NT5DC1: variants seen among roughly 807,000 people sequenced by gnomAD.
The protein encoded by NT5DC1 is 5'-nucleotidase domain-containing protein 1.
A neutral mutation model predicts 59.4 loss-of-function variants in NT5DC1; 42 were observed. The ratio of observed to expected loss-of-function variants is 0.71; its 90% CI spans 0.55 to 0.92. The LOEUF is 0.92. NT5DC1 is among the 40% of genes least tolerant of loss of function. NT5DC1 has a pLI of 0.00. For missense variants in NT5DC1, 501 were observed against 537.1 expected (o/e 0.93, Z 0.66); for synonymous variants, 172 against 188.1 (o/e 0.91, Z 0.70).
intron 6 of NT5DC1, chr6:116,125,273 G>C: frequency 6.4e-7 from 1 of 1,555,390 alleles, no homozygotes; most frequent in South Asian, 1.2e-5. Flanking sequence ...TTGTTAAAGA[G>C]ATTATTAAGA....
chr6:116,216,992 G>A (rs1170155110), intron 6 of NT5DC1, among the ~76,000 whole-genome samples: 2 of 152,238 alleles, frequency 1.3e-5, no homozygotes, highest in Non-Finnish European at 2.9e-5. Flanking sequence ...GCTGACCATG[G>A]AAGTGTTAGC....
chr6:116,154,790 C>G (rs1562141808), intron 6 of NT5DC1, among the ~76,000 whole-genome samples: 1 of 152,124 alleles, frequency 6.6e-6, no homozygotes, highest in Non-Finnish European at 1.5e-5. Flanking sequence ...TTGTTTACGC[C>G]TCAGGATTAA....
intron 6 of NT5DC1, among the ~76,000 whole-genome samples, chr6:116,182,691 G>T (rs1218291781): frequency 3.3e-5 from 5 of 151,872 alleles, no homozygotes; most frequent in Non-Finnish European, 7.4e-5. Context: ...CTTCTTTTTA[G>T]AATTGTCTCT....
chr6:116,134,052 C>T (rs1414841859), intron 6 of NT5DC1, among the ~76,000 whole-genome samples: 2 of 152,122 alleles, frequency 1.3e-5, no homozygotes, highest in South Asian at 2.1e-4. Context: ...GTCATCTTCC[C>T]CTACTTTCTC....
chr6:116,170,959 C>T (rs184953029), intron 6 of NT5DC1, among the ~76,000 whole-genome samples: 12 of 152,262 alleles, frequency 7.9e-5, no homozygotes, highest in African/African-American at 2.9e-4. Context: ...CTGTATTTGA[C>T]CTGCCCATTC....
At chr6:116,187,029 G>A (rs536402109) in intron 6 of NT5DC1, among the ~76,000 whole-genome samples, 4 of 151,984 alleles carry the variant, frequency 2.6e-5, no homozygotes, top group East Asian at 3.9e-4. Context: ...AAGGGCTACC[G>A]TTCAGATTCT....
intron 6 of NT5DC1, chr6:116,119,883 G>C: frequency 1.7e-6 from 1 of 601,292 alleles, no homozygotes; most frequent in East Asian, 2.8e-5. Context: ...TTCAAGAGAG[G>C]CTTCACATAC....
intron 6 of NT5DC1, among the ~76,000 whole-genome samples, chr6:116,176,356 C>G (rs1396383352): frequency 6.6e-6 from 1 of 152,162 alleles, no homozygotes; most frequent in East Asian, 1.9e-4. Flanking sequence ...ATGTGGTTTG[C>G]TTCTGTTGGG....
intron 6 of NT5DC1, among the ~76,000 whole-genome samples, chr6:116,176,618 A>G (rs537603738): frequency 6.6e-6 from 1 of 152,322 alleles, no homozygotes; most frequent in African/African-American, 2.4e-5. Flanking sequence ...TCTTAGGCCC[A>G]AAGCAGTCTT....
intron 8 of NT5DC1, among the ~76,000 whole-genome samples, chr6:116,225,281 G>A (rs932121575): frequency 2.6e-5 from 4 of 152,120 alleles, no homozygotes; most frequent in African/African-American, 9.7e-5. Flanking sequence ...GGAGTCCAAG[G>A]GAACAAGTCT....
At chr6:116,112,653 G>T (rs1041857890) in intron 4 of NT5DC1, among the ~76,000 whole-genome samples, 11 of 152,122 alleles carry the variant, frequency 7.2e-5, no homozygotes, top group Non-Finnish European at 1.6e-4. Context: ...ATTTAATCAG[G>T]CTCCTAGCAA....
chr6:116,223,137 T>A lies in NT5DC1; in HGVS notation c.802+6T>A. The A allele has an allele frequency of 6.6e-7, 1 of 1,507,516 alleles. No individual in the cohort carries two copies. The highest frequency in any genetic ancestry group is 9.2e-7 in the Non-Finnish European group (1 of 1,085,328). 93.4% of individuals were successfully genotyped at this position (1,507,516 alleles called of 1,614,324 possible). On this transcript the variant is annotated splice_donor_region_variant and intron_variant, in intron 8 of 11. Transcript: ENST00000319550. ...GAGACCTTTCCGGACACTCGGTAAG[T>A]TACATTTGGTTTCTTTCTTTTCCTG... is the stretch of plus-strand genomic sequence containing the variant.
At chr6:116,120,528 G>A in intron 6 of NT5DC1, 1 of 1,614,032 alleles carries the variant, frequency 6.2e-7, no homozygotes, top group Non-Finnish European at 8.5e-7. Flanking sequence ...CTGGGCCTTT[G>A]GCCTGCCTTT....
At chr6:116,127,918 A>G (rs544848628) in intron 6 of NT5DC1, among the ~76,000 whole-genome samples, 1 of 151,962 alleles carries the variant, frequency 6.6e-6, no homozygotes, top group East Asian at 1.9e-4. Context: ...TTTCACTTTA[A>G]CCTCTCTGGG....
intron 6 of NT5DC1, among the ~76,000 whole-genome samples, chr6:116,210,188 C>T (rs894336227): frequency 3.3e-5 from 5 of 152,018 alleles, no homozygotes; most frequent in African/African-American, 9.6e-5. Flanking sequence ...TCCTTTATGG[C>T]TTTTGAGTTC....
At chr6:116,101,378 G>A (rs919512682) in intron 1 of NT5DC1, among the ~76,000 whole-genome samples, 1 of 152,176 alleles carries the variant, frequency 6.6e-6, no homozygotes. Flanking sequence ...TCACGTCGTG[G>A]AACTTTCTCT....
intron 6 of NT5DC1, among the ~76,000 whole-genome samples, chr6:116,148,006 G>C (rs1037106255): frequency 6.6e-6 from 1 of 151,872 alleles, no homozygotes; most frequent in South Asian, 2.1e-4. Flanking sequence ...AGGTGGGGGG[G>C]GTTGGAGGCA....
intron 6 of NT5DC1, among the ~76,000 whole-genome samples, chr6:116,146,297 TGTACTTTTTGAGTAGGTGGC>T (rs1779896247): frequency 6.6e-6 from 1 of 152,208 alleles, no homozygotes; most frequent in African/African-American, 2.4e-5. Context: ...AAGGTGGCTA[TGTACTTTTTGAGTAGGTGGC>T]GTCAACCTGT....
intron 1 of NT5DC1, 102 bp from the exon 2 acceptor site, chr6:116,106,142 T>A: frequency 1.3e-6 from 1 of 752,340 alleles, no homozygotes; most frequent in Non-Finnish European, 2.4e-6. Flanking sequence ...TCCTTCCTCC[T>A]ACCTGCCCCC....
Sources: gnomAD v4.1 joint callset for allele counts (sites outside exome capture counted in the v4.1 genomes callset) on GRCh38, gnomAD v4.1.1 for gene constraint, MANE v1.5 for transcripts, NCBI Gene and HGNC (gene_info 2026-07-23, HGNC 2026-07-21) for gene names.